The following TECR variants were observed in gnomAD, a reference collection of about 807,000 sequenced individuals.
TECR encodes trans-2,3-enoyl-CoA reductase, also known as very-long-chain enoyl-CoA reductase.
TECR carries 19 observed loss-of-function variants against 50.6 expected under a neutral mutation model. The ratio of observed to expected loss-of-function variants is 0.38; its 90% CI spans 0.26 to 0.55. TECR has a LOEUF of 0.55. Ranked by LOEUF, TECR falls within the 20% of genes least tolerant of loss-of-function variation. TECR has a pLI of 0.79. For synonymous variants in TECR, 168 were observed against 163.5 expected, an observed-to-expected ratio of 1.03 and a Z score of -0.21; for missense variants, 313 against 408.3, an observed-to-expected ratio of 0.77 and a Z score of 2.01.
Position 14,563,522 on chromosome 19 carries a change from C to A in TECR, c.119-136C>A. The A allele has an allele frequency of 3.4e-6, 4 of 1,169,506 alleles. No individual in the cohort carries two copies. The highest frequency in any genetic ancestry group is 3.7e-6 in the Non-Finnish European group (3 of 802,808). The allele number at this position is 1,169,506 out of a possible 1,614,324, so 72.4% of individuals were successfully genotyped here. ...GAAACCGCACAAGCCTGAGGGTTTG[C>A]CCCCAGGTGGGAGGAGCTGTGGAGT... is the stretch of plus-strand genomic sequence containing the variant. On this transcript the variant is annotated intron_variant, in intron 3 of 12. Coordinates refer to ENST00000215567, the MANE Select transcript of TECR (RefSeq NM_138501.6). This position sits in a 1 kb window ranked among gnomAD's most constrained non-coding sequence, Gnocchi z 5.3.
intron 1 of TECR, among the ~76,000 whole-genome samples, chr19:14,558,536 C>A (rs1331605949): frequency 6.6e-6 from 1 of 152,164 alleles, no homozygotes; most frequent in Non-Finnish European, 1.5e-5. Context: ...GAGAATTCCT[C>A]TCAGGCTAGT....
chr19:14,565,386 T>C, intron 11 of TECR, 96 bp downstream of exon 11: 1 of 1,498,918 alleles, frequency 6.7e-7, no homozygotes, highest in East Asian at 2.3e-5. Context: ...GCAGCTGCTT[T>C]TGCCGCCTGC....
chr19:14,563,639 T>G lies in TECR; in HGVS notation c.119-19T>G. 1.2e-6 allele frequency: 2 copies of G among 1,611,014 alleles called. No homozygotes were observed. The highest frequency in any genetic ancestry group is 2.2e-5 in the South Asian group (2 of 91,020). ...GCCCTGCCAGGCTGTGGGCTGTAAC[T>G]GCCCTGTTCTCCCCGCAGATCCGCA... On this transcript the variant is annotated intron_variant, in intron 3 of 12. Transcript: ENST00000215567. This position sits in a 1 kb window ranked among gnomAD's most constrained non-coding sequence, Gnocchi z 5.3.
intron 1 of TECR, among the ~76,000 whole-genome samples, chr19:14,552,114 C>T (rs2073543532): frequency 6.6e-6 from 1 of 150,382 alleles, no homozygotes; most frequent in Non-Finnish European, 1.5e-5. Context: ...GCTGAGATTA[C>T]AGGCATGAGC....
At chr19:14,528,030 C>T (rs1047257424), upstream of TECR, among the ~76,000 whole-genome samples, 5 of 150,032 alleles carry the variant, frequency 3.3e-5, no homozygotes, top group South Asian at 2.1e-4. Flanking sequence ...ATTACAGGTG[C>T]CCACCATTAC....
chr19:14,552,228 G>A (rs891088423), intron 1 of TECR, among the ~76,000 whole-genome samples: 2 of 147,864 alleles, frequency 1.4e-5, no homozygotes, highest in African/African-American at 5.0e-5. Context: ...GAGTGCAGTG[G>A]TGCAATGATA....
intron 11 of TECR, 109 bp downstream of exon 11, chr19:14,565,399 T>G: frequency 6.9e-7 from 1 of 1,446,368 alleles, no homozygotes. Context: ...CCGCCTGCAC[T>G]GCGAGCATTG....
chr19:14,552,443 T>C (rs947796949), intron 1 of TECR, among the ~76,000 whole-genome samples: 1 of 152,054 alleles, frequency 6.6e-6, no homozygotes. Flanking sequence ...ACATGGGCAC[T>C]TCCAGGCTAC....
chr19:14,529,515 G>C, upstream of TECR: 2 of 793,600 alleles, frequency 2.5e-6, no homozygotes, highest in Non-Finnish European at 4.4e-6. Flanking sequence ...AAGGAGCAGG[G>C]GCGAACGTGG....
intron 1 of TECR, chr19:14,545,162 G>T: frequency 2.2e-6 from 1 of 456,724 alleles, no homozygotes; most frequent in South Asian, 1.5e-5. Context: ...GCATTCCAGC[G>T]ATTCCTCATT....
intron 1 of TECR, chr19:14,531,782 G>A (rs1419373737): frequency 1.3e-5 from 2 of 152,098 alleles, no homozygotes. Flanking sequence ...GAATGAGGAG[G>A]TTTGTATTCA....
intron 1 of TECR, among the ~76,000 whole-genome samples, chr19:14,553,611 A>T (rs2073614359): frequency 6.6e-6 from 1 of 152,032 alleles, no homozygotes; most frequent in Non-Finnish European, 1.5e-5. Context: ...GGTTGACTTG[A>T]TATTTCTGGA....
rs367952165 is a variant in TECR, at chr19:14,563,844, G to A, written c.208G>A (p.Val70Met). 1.9e-6 allele frequency: 3 copies of A among 1,613,868 alleles called. No homozygotes were observed. In the African/African-American group the frequency reaches 4.0e-5, roughly 22 times the overall value. Reference protein sequence around the residue: ...KDEDVLQKLPVGTTATLYFRD... With the variant: ...KDEDVLQKLPMGTTATLYFRD... ...TGAGGATGTTCTGCAGAAGCTGCCC[G>A]TGGGCACCACGGCCACACTGTACTT... The change falls in exon 5 of 13, where the codon GTG (valine) becomes ATG (methionine). Residue 70 changes from valine (V) to methionine (M), a missense_variant. Val to Met is a conservative substitution (Grantham distance 21). Transcript: ENST00000215567. The surrounding 1 kb of genome is among the most constrained non-coding windows in gnomAD (Gnocchi z 5.3).
upstream of TECR, among the ~76,000 whole-genome samples, chr19:14,528,533 C>T (rs558724185): frequency 2.8e-3 from 419 of 152,190 alleles, 2 homozygotes; most frequent in African/African-American, 8.2e-3. Flanking sequence ...CCATCGTTCC[C>T]GGCCTGGACC....
Position 14,563,424 on chromosome 19 carries a change from G to A in TECR, c.118+167G>A, listed in dbSNP as rs917818570. 10 of 815,336 alleles carry A rather than the reference G, an allele frequency of 1.2e-5. No homozygotes were observed. In the Middle Eastern group the frequency reaches 8.3e-4, roughly 68 times the overall value. 50.5% of individuals were successfully genotyped at this position (815,336 alleles called of 1,614,324 possible). A position where few individuals can be genotyped will look rare whatever the true frequency, so the allele number is the denominator to read the frequency against. ...GGCAGGCGCCTCCACGTGGCACTCC[G>A]CAGGAACGCCCTTGCTAGGCTCTGG... On this transcript the variant is annotated intron_variant, in intron 3 of 12. Coordinates refer to ENST00000215567, the MANE Select transcript of TECR (RefSeq NM_138501.6). This position sits in a 1 kb window ranked among gnomAD's most constrained non-coding sequence, Gnocchi z 5.3.
chr19:14,552,281 A>G (rs2073554772), intron 1 of TECR, among the ~76,000 whole-genome samples: 1 of 145,582 alleles, frequency 6.9e-6, no homozygotes, highest in Non-Finnish European at 1.5e-5. Flanking sequence ...CAATCCTCCC[A>G]GTCTGGCCTC....
Position 14,564,015 on chromosome 19 carries a change from A to C in TECR, c.301A>C (p.Ile101Leu), listed in dbSNP as rs977191003. The change falls in exon 6 of 13, where the codon ATC becomes CTC. Residue 101 changes from isoleucine to leucine, a missense_variant. Ile to Leu is a conservative substitution (Grantham distance 5). Transcript: ENST00000215567. ...AACAGAGTACGCGGGGCCCCTTTTC[A>C]TCTACCTGCTCTTCTACTTCCGAGT... ...FLTEYAGPLFIYLLFYFRVPF... is the reference protein window; with the variant it reads ...FLTEYAGPLFLYLLFYFRVPF... 3.1e-6 allele frequency: 5 copies of C among 1,613,604 alleles called. No individual in the cohort carries two copies. In the African/African-American group the frequency reaches 6.7e-5, roughly 22 times the overall value.
At chr19:14,540,572 A>G (rs1361698065) in intron 1 of TECR, among the ~76,000 whole-genome samples, 1 of 151,518 alleles carries the variant, frequency 6.6e-6, no homozygotes, top group Non-Finnish European at 1.5e-5. Flanking sequence ...TTGTATTTTT[A>G]GTACAGACAG....
chr19:14,530,170 C>T, intron 1 of TECR: 1 of 197,288 alleles, frequency 5.1e-6, no homozygotes, highest in South Asian at 7.3e-5. Flanking sequence ...CGGGACGTTC[C>T]CGGGAGACTT....
Sources: gnomAD v4.1 joint callset for allele counts (sites outside exome capture counted in the v4.1 genomes callset) on GRCh38, gnomAD v4.1.1 for gene constraint, Gnocchi (gnomAD v3.1) non-coding constraint, MANE v1.5 for transcripts, NCBI Gene and HGNC (gene_info 2026-07-23, HGNC 2026-07-21) for gene names.